The following ZP3 variants were observed in gnomAD, a reference collection of about 807,000 sequenced individuals.
ZP3 encodes zona pellucida sperm-binding protein 3.
Under a neutral mutation model 35.6 loss-of-function variants are expected in ZP3, and 21 were observed. That is an observed-to-expected ratio of 0.59 (90% CI 0.42 to 0.85). The LOEUF (loss-of-function observed/expected upper bound fraction) is 0.85. Ranked by LOEUF, ZP3 falls within the 40% of genes least tolerant of loss-of-function variation. The probability of loss-of-function intolerance (pLI) is 0.00; values close to 1 mark genes in which losing one functional copy is unlikely to be tolerated. For synonymous variants in ZP3, 207 were observed against 214.5 expected, an observed-to-expected ratio of 0.96 and a Z score of 0.31; for missense variants, 437 against 536.5, an observed-to-expected ratio of 0.81 and a Z score of 1.83.
intron 1 of ZP3, among the ~76,000 whole-genome samples, chr7:76,416,883 TACATATATATAC>T: frequency 7.1e-6 from 1 of 139,922 alleles, no homozygotes; most frequent in African/African-American, 3.0e-5. Flanking sequence ...TATACACACA[TACATATATATAC>T]ACATACATAT....
At chr7:76,397,725 G>A (rs1465844644) in exon 1 of ZP3, 1 of 1,613,326 alleles carries the variant, frequency 6.2e-7, no homozygotes, top group Non-Finnish European at 8.5e-7. Flanking sequence ...GCGGCATCCG[G>A]CAGCCCCCAG....
chr7:76,404,641 A>T, intron 1 of ZP3: 1 of 676,006 alleles, frequency 1.5e-6, no homozygotes, highest in Non-Finnish European at 2.4e-6. Context: ...AAAAGTTTTT[A>T]AAAATGAGGC....
intron 1 of ZP3, among the ~76,000 whole-genome samples, chr7:76,412,716 G>C (rs1805278584): frequency 6.6e-6 from 1 of 151,964 alleles, no homozygotes; most frequent in Non-Finnish European, 1.5e-5. Flanking sequence ...AGGGGTGGTG[G>C]CGCATGCCTG....
At chr7:76,401,474 T>A (rs1458163959) in intron 1 of ZP3, among the ~76,000 whole-genome samples, 1 of 152,156 alleles carries the variant, frequency 6.6e-6, no homozygotes, top group Non-Finnish European at 1.5e-5. Context: ...TGGAGTGCAA[T>A]GGCACGATCT....
chr7:76,404,386 C>T, intron 1 of ZP3: 4 of 1,613,976 alleles, frequency 2.5e-6, no homozygotes, highest in Non-Finnish European at 2.5e-6. Flanking sequence ...ACCTCCACCC[C>T]CAGCGCTTCT....
At chr7:76,430,405 A>T (rs1357714208) in intron 2 of ZP3, among the ~76,000 whole-genome samples, 1 of 151,976 alleles carries the variant, frequency 6.6e-6, no homozygotes, top group Non-Finnish European at 1.5e-5. Flanking sequence ...GGTGCAGGGG[A>T]CTTTGTCCCT....
chr7:76,429,703 G>A lies in ZP3; in HGVS notation c.431+70G>A, dbSNP rs913827407. 6 of 1,301,246 alleles carry A rather than the reference G, an allele frequency of 4.6e-6. No individual in the cohort carries two copies. In the African/African-American group the frequency reaches 8.7e-5, roughly 19 times the overall value. 80.6% of individuals were successfully genotyped at this position (1,301,246 alleles called of 1,614,324 possible). A position where few individuals can be genotyped will look rare whatever the true frequency, so the allele number is the denominator to read the frequency against. ...GGGTGTGGCTGCAGGCAAGTGGGCT[G>A]GCTATGGGCTACAGCTTGCAGCATG... On this transcript the variant is annotated intron_variant, in intron 2 of 7. Coordinates refer to ENST00000394857, the MANE Select transcript of ZP3 (RefSeq NM_001110354.2).
At chr7:76,436,834 T>C (rs1806030322) in intron 5 of ZP3, among the ~76,000 whole-genome samples, 1 of 152,236 alleles carries the variant, frequency 6.6e-6, no homozygotes, top group African/African-American at 2.4e-5. Context: ...ACAGAGGTGG[T>C]AGCGGTCAGC....
chr7:76,405,339 C>CTTTTT (rs1193527373), intron 1 of ZP3, among the ~76,000 whole-genome samples: 4 of 21,390 alleles, frequency 1.9e-4, no homozygotes, highest in Admixed American at 6.1e-4. Context: ...TTCTTTCTTT[C>CTTTTT]TTTTTTTTTT....
At chr7:76,411,674 T>A (rs893275248) in intron 1 of ZP3, among the ~76,000 whole-genome samples, 1 of 152,130 alleles carries the variant, frequency 6.6e-6, no homozygotes, top group Non-Finnish European at 1.5e-5. Flanking sequence ...ATGGAGAAAC[T>A]GGGTTCCTCA....
chr7:76,441,119 C>A (rs548968614), intron 7 of ZP3, among the ~76,000 whole-genome samples: 2 of 150,562 alleles, frequency 1.3e-5, no homozygotes, highest in African/African-American at 4.9e-5. Context: ...TGCAGTGAGC[C>A]GAGATTGCAC....
At chr7:76,430,794 G>T (rs1406531259) in intron 2 of ZP3, among the ~76,000 whole-genome samples, 3 of 152,196 alleles carry the variant, frequency 2.0e-5, no homozygotes, top group Non-Finnish European at 4.4e-5. Flanking sequence ...ACATCATGAG[G>T]GATGAGCCAT....
intron 5 of ZP3, among the ~76,000 whole-genome samples, chr7:76,438,708 G>T (rs917413934): frequency 1.4e-5 from 2 of 144,458 alleles, no homozygotes; most frequent in African/African-American, 5.4e-5. Context: ...GACTGTCAGG[G>T]TATCAGCCTG....
rs540709632 is a variant in ZP3, at chr7:76,408,957, G to A, written c.-67+11160G>A. 2.6e-5 allele frequency among the ~76,000 whole-genome samples: 4 copies of A among 152,242 alleles called. No homozygotes were observed. The East Asian group carries it at 7.7e-4, about 29-fold the overall frequency. ...GACCTTCACCTTGCAAAGCCTCACT[G>A]TTCTCATCTGTAAAATGGCTTTCGT... On this transcript the variant is annotated intron_variant, in intron 1 of 8. Transcript: ENST00000336517.
intron 1 of ZP3, chr7:76,409,609 C>T (rs1805180213): frequency 6.6e-6 from 1 of 152,300 alleles, no homozygotes; most frequent in South Asian, 2.1e-4. Context: ...GGCTGGTGGC[C>T]CCAGCCTGTC....
At chr7:76,415,066 G>A (rs1263724500) in intron 1 of ZP3, among the ~76,000 whole-genome samples, 1 of 150,948 alleles carries the variant, frequency 6.6e-6, no homozygotes, top group African/African-American at 2.4e-5. Flanking sequence ...TTACAATTAC[G>A]ATATAGGCAT....
chr7:76,429,950 G>A (rs1805779740), intron 2 of ZP3, among the ~76,000 whole-genome samples: 1 of 152,116 alleles, frequency 6.6e-6, no homozygotes, highest in South Asian at 2.1e-4. Context: ...GGGGCCAGGT[G>A]CAGTGGCTCA....
chr7:76,401,183 C>G, intron 1 of ZP3: 1 of 1,228,468 alleles, frequency 8.1e-7, no homozygotes, highest in Non-Finnish European at 1.1e-6. Flanking sequence ...TTGCCAAAGC[C>G]CCATTGTCTC....
intron 4 of ZP3, 45 bp downstream of exon 4, chr7:76,433,692 A>C: frequency 6.5e-7 from 1 of 1,546,906 alleles, no homozygotes. Context: ...TAGCAAAATG[A>C]CCCTAAAGCC....
Sources: gnomAD v4.1 joint callset for allele counts (sites outside exome capture counted in the v4.1 genomes callset) on GRCh38, gnomAD v4.1.1 for gene constraint, MANE v1.5 for transcripts, NCBI Gene and HGNC (gene_info 2026-07-23, HGNC 2026-07-21) for gene names.